NELL1: variants seen among roughly 807,000 people sequenced by gnomAD.
NELL1 encodes protein kinase C-binding protein NELL1.
NELL1 carries 76 observed loss-of-function variants against 107.4 expected under a neutral mutation model. That is an observed-to-expected ratio of 0.71 (90% CI 0.59 to 0.86). NELL1 has a LOEUF of 0.86. Ranked by LOEUF, NELL1 falls within the 40% of genes least tolerant of loss-of-function variation. NELL1 has a pLI of 0.00. For synonymous variants in NELL1, 353 were observed against 341.2 expected (o/e 1.03, Z -0.38); for missense variants, 1,024 against 1,005.5 (o/e 1.02, Z -0.25).
intron 12 of NELL1, among the ~76,000 whole-genome samples, chr11:21,111,640 G>T (rs1220175890): frequency 6.6e-6 from 1 of 152,058 alleles, no homozygotes; most frequent in Non-Finnish European, 1.5e-5. Flanking sequence ...TTACAAGGCA[G>T]AAACAAGAAA....
chr11:21,159,972 G>T (rs1424720324), intron 13 of NELL1, among the ~76,000 whole-genome samples: 1 of 152,184 alleles, frequency 6.6e-6, no homozygotes, highest in Admixed American at 6.5e-5. Flanking sequence ...CAGAATGTCC[G>T]TTCGTGATTC....
chr11:21,490,052 C>T (rs984427054), intron 15 of NELL1, among the ~76,000 whole-genome samples: 3 of 151,898 alleles, frequency 2.0e-5, no homozygotes, highest in African/African-American at 7.3e-5. Context: ...AACCTAAAGA[C>T]ACCACAAAAA....
intron 14 of NELL1, among the ~76,000 whole-genome samples, chr11:21,237,366 A>C (rs1207421162): frequency 6.6e-6 from 1 of 152,112 alleles, no homozygotes; most frequent in East Asian, 1.9e-4. Context: ...CAAGATATTC[A>C]AGGCTCTTTA....
At chr11:21,246,794 G>A (rs1264088864) in intron 14 of NELL1, among the ~76,000 whole-genome samples, 1 of 152,124 alleles carries the variant, frequency 6.6e-6, no homozygotes, top group East Asian at 1.9e-4. Context: ...CGTGGCTGAG[G>A]AGGCCTCACA....
At chr11:21,558,442 CA>C (rs927418217) in intron 16 of NELL1, among the ~76,000 whole-genome samples, 44 of 151,452 alleles carry the variant, frequency 2.9e-4, no homozygotes, top group Non-Finnish European at 2.8e-4. Flanking sequence ...TTTTTTGTGA[CA>C]AAAATATTCT....
intron 15 of NELL1, among the ~76,000 whole-genome samples, chr11:21,423,366 A>T (rs1372013462): frequency 9.2e-5 from 14 of 151,424 alleles, no homozygotes; most frequent in Admixed American, 1.3e-4. Context: ...GAGACTTCAT[A>T]AAAAAAATTA....
chr11:20,879,124 T>C (rs893189016), intron 4 of NELL1, among the ~76,000 whole-genome samples: 1 of 152,072 alleles, frequency 6.6e-6, no homozygotes, highest in Non-Finnish European at 1.5e-5. Flanking sequence ...AGGATGGATA[T>C]GATGGGCCCA....
chr11:21,246,730 C>T (rs961379564), intron 14 of NELL1, among the ~76,000 whole-genome samples: 1 of 152,092 alleles, frequency 6.6e-6, no homozygotes, highest in Admixed American at 6.6e-5. Context: ...TAGAGACATA[C>T]CCGAGACTGG....
At chr11:20,708,128 C>T (rs952833778) in intron 2 of NELL1, among the ~76,000 whole-genome samples, 2 of 152,212 alleles carry the variant, frequency 1.3e-5, no homozygotes, top group Admixed American at 6.5e-5. Flanking sequence ...GCTGTGTGGG[C>T]GTGGGACTCT....
At chr11:20,816,030 A>G (rs1052569988) in intron 3 of NELL1, among the ~76,000 whole-genome samples, 13 of 152,158 alleles carry the variant, frequency 8.5e-5, no homozygotes, top group African/African-American at 3.1e-4. Context: ...TTTTTGTACC[A>G]GTACCTTGTT....
At chr11:21,161,421 C>T (rs1314168205) in intron 13 of NELL1, among the ~76,000 whole-genome samples, 1 of 152,150 alleles carries the variant, frequency 6.6e-6, no homozygotes, top group Non-Finnish European at 1.5e-5. Context: ...CCGGTAATCC[C>T]AGCTACTCGG....
At position 20,927,295 on chromosome 11, in the gene NELL1, C is replaced by A. The variant is rs756995536; in HGVS notation, c.760-13C>A. On this transcript the variant is annotated splice_polypyrimidine_tract_variant and intron_variant, in intron 7 of 19. Coordinates refer to ENST00000357134, the MANE Select transcript of NELL1 (RefSeq NM_006157.5). ...GAATTACAGAAATTACATTCAGTAA[C>A]TCTTGTTTGCAGCTAAATTATGCAG... is the stretch of plus-strand genomic sequence containing the variant. The A allele has an allele frequency of 5.6e-6, 9 of 1,597,674 alleles. No individual in the cohort carries two copies. Among genetic ancestry groups the A allele is most frequent in the Admixed American group, 1.8e-5 (1 of 54,630 alleles).
At chr11:20,737,811 G>A (rs1001204633) in intron 2 of NELL1, among the ~76,000 whole-genome samples, 1 of 151,412 alleles carries the variant, frequency 6.6e-6, no homozygotes, top group African/African-American at 2.4e-5. Flanking sequence ...AATATTCCAA[G>A]TACAAAAATT....
At position 21,348,382 on chromosome 11, in the gene NELL1, G is replaced by A. The variant is rs918862278; in HGVS notation, c.1550-22471G>A. 3.9e-5 allele frequency among the ~76,000 whole-genome samples: 6 copies of A among 152,192 alleles called. No homozygotes were observed. The East Asian group carries it at 1.2e-3, about 29-fold the overall frequency. ...CCGGACCCTGTGCTGAGCTCTAGGG[G>A]AGATACAGAAATGAGGATTTTAGGG... On this transcript the variant is annotated intron_variant, in intron 14 of 19. Coordinates refer to ENST00000357134, the MANE Select transcript of NELL1 (RefSeq NM_006157.5).
At chr11:21,232,999 A>G (rs1554985259) in intron 14 of NELL1, among the ~76,000 whole-genome samples, 1 of 152,204 alleles carries the variant, frequency 6.6e-6, no homozygotes, top group Non-Finnish European at 1.5e-5. Flanking sequence ...TTTTCTAGGC[A>G]GACATGGTAT....
chr11:20,678,829 C>T (rs1196561470), intron 2 of NELL1, among the ~76,000 whole-genome samples: 2 of 152,056 alleles, frequency 1.3e-5, no homozygotes, highest in African/African-American at 4.8e-5. Context: ...GTCTAAAGGC[C>T]CCACCTCTTA....
intron 15 of NELL1, among the ~76,000 whole-genome samples, chr11:21,481,912 A>G (rs1174314862): frequency 6.6e-6 from 1 of 152,208 alleles, no homozygotes; most frequent in Non-Finnish European, 1.5e-5. Context: ...GAGGCAAAGC[A>G]GGCCCTGCTT....
intron 2 of NELL1, among the ~76,000 whole-genome samples, chr11:20,689,024 G>T (rs532183896): frequency 6.6e-6 from 1 of 152,266 alleles, no homozygotes; most frequent in South Asian, 2.1e-4. Context: ...GATGAGTGAT[G>T]TGGAGCGTTT....
rs184182988 is a variant in NELL1 at position 21,316,454 on chromosome 11, T to C, written c.1550-54399T>C. ...TAATATCACTGCTTACGTGTTGGTA[T>C]ATTTCCTTCCAATCTTTTCTTCACA... On this transcript the variant is annotated intron_variant, in intron 14 of 19. Transcript: ENST00000357134. Among the ~76,000 whole-genome samples the C allele has an allele frequency of 3.3e-3, 499 of 152,310 alleles. 7 individuals are homozygous for C. Among genetic ancestry groups the C allele is most frequent in the Non-Finnish European group, 2.6e-3 (179 of 68,018 alleles).
Sources: gnomAD v4.1 joint callset for allele counts (sites outside exome capture counted in the v4.1 genomes callset) on GRCh38, gnomAD v4.1.1 for gene constraint, MANE v1.5 for transcripts, NCBI Gene and HGNC (gene_info 2026-07-23, HGNC 2026-07-21) for gene names.